Variants in MBNL1 observed in about 807,000 individuals in gnomAD.
MBNL1 encodes muscleblind-like protein 1.
Under a neutral mutation model 42.2 loss-of-function variants are expected in MBNL1, and 8 were observed. The ratio of observed to expected loss-of-function variants is 0.19; its 90% CI spans 0.11 to 0.34. The LOEUF is 0.34. Among genes scored for constraint, MBNL1 ranks in the 10% least tolerant of loss-of-function variants. The pLI is 1.00. For missense variants in MBNL1, 309 were observed against 495.3 expected, an observed-to-expected ratio of 0.62 and a Z score of 3.57; for synonymous variants, 169 against 173.9, an observed-to-expected ratio of 0.97 and a Z score of 0.22.
intron 4 of MBNL1, among the ~76,000 whole-genome samples, chr3:152,443,508 A>ACACACACACAC (rs61600245): frequency 6.6e-6 from 1 of 151,022 alleles, no homozygotes; most frequent in Non-Finnish European, 1.5e-5. Flanking sequence ...ACACACACAC[A>ACACACACACAC]ACTTTTTATC....
chr3:152,428,297 A>G (rs1410480762), intron 3 of MBNL1, among the ~76,000 whole-genome samples: 3 of 152,366 alleles, frequency 2.0e-5, no homozygotes, highest in East Asian at 3.9e-4. Flanking sequence ...TATACATAAC[A>G]TGAACAAGAC....
intron 2 of MBNL1, among the ~76,000 whole-genome samples, chr3:152,408,762 C>T (rs2098497599): frequency 6.6e-6 from 1 of 151,904 alleles, no homozygotes; most frequent in Non-Finnish European, 1.5e-5. Flanking sequence ...TGCTGTCCTC[C>T]CTCCTCCCCG....
Position 152,299,856 on chromosome 3 carries a change from G to T in MBNL1, c.-338G>T. On this transcript the variant is annotated 5_prime_UTR_variant, in exon 2 of 10. Coordinates refer to ENST00000324210, the MANE Select transcript of MBNL1 (RefSeq NM_021038.5). ...TGCCACGTTTTCATGCTTGCATTTTGGGCTCCAAATTGGCACTGGGAAGGG... is the reference window on the plus strand; with the variant it reads ...TGCCACGTTTTCATGCTTGCATTTTTGGCTCCAAATTGGCACTGGGAAGGG... 1 of 403,304 alleles carries T rather than the reference G, an allele frequency of 2.5e-6. No individual in the cohort carries two copies. The highest frequency in any genetic ancestry group is 1.2e-4 in the South Asian group (1 of 8,482). 25.0% of individuals were successfully genotyped at this position (403,304 alleles called of 1,614,324 possible).
chr3:152,457,458 A>G (rs1445128074), intron 8 of MBNL1, among the ~76,000 whole-genome samples: 3 of 152,258 alleles, frequency 2.0e-5, no homozygotes, highest in Non-Finnish European at 4.4e-5. Context: ...CCCTTGTTCT[A>G]TAATACATCA....
chr3:152,268,876 G>C, upstream of MBNL1: 3 of 453,900 alleles, frequency 6.6e-6, no homozygotes, highest in Non-Finnish European at 1.3e-5. Context: ...GGGCCGCGCA[G>C]CAGCAGCGGA....
At chr3:152,269,535 C>T (rs1044302189) in intron 1 of MBNL1, 3 of 455,278 alleles carry the variant, frequency 6.6e-6, no homozygotes, top group African/African-American at 4.0e-5. Context: ...CCATCCCGCC[C>T]GGTTTTCATC....
At chr3:152,365,982 A>G (rs187320529) in intron 2 of MBNL1, among the ~76,000 whole-genome samples, 4 of 152,286 alleles carry the variant, frequency 2.6e-5, no homozygotes, top group Admixed American at 2.0e-4. Flanking sequence ...AAAAGGTGCT[A>G]TATTTGCTAC....
At chr3:152,354,224 G>T (rs1457163461) in intron 2 of MBNL1, among the ~76,000 whole-genome samples, 1 of 152,174 alleles carries the variant, frequency 6.6e-6, no homozygotes, top group Non-Finnish European at 1.5e-5. Flanking sequence ...GGAGACTGAG[G>T]TGGAAGGATT....
chr3:152,264,215 T>C (rs1260394691), upstream of MBNL1: 3 of 152,260 alleles, frequency 2.0e-5, no homozygotes, highest in Non-Finnish European at 4.4e-5. Context: ...AAGTGATTTA[T>C]CTGTGCTGTT....
intron 1 of MBNL1, among the ~76,000 whole-genome samples, chr3:152,271,463 A>C (rs1347051377): frequency 6.6e-6 from 1 of 152,226 alleles, no homozygotes; most frequent in East Asian, 1.9e-4. Context: ...GCCATACATT[A>C]GGCCTGTATT....
At chr3:152,413,724 ATCTT>A (rs2098641627) in intron 2 of MBNL1, among the ~76,000 whole-genome samples, 1 of 152,162 alleles carries the variant, frequency 6.6e-6, no homozygotes, top group Admixed American at 6.6e-5. Flanking sequence ...GCTTCAATTA[ATCTT>A]TCTTTTATTC....
chr3:152,250,957 T>G (rs1012512489), intron 2 of MBNL1, among the ~76,000 whole-genome samples: 4 of 152,046 alleles, frequency 2.6e-5, no homozygotes, highest in Admixed American at 2.6e-4. Flanking sequence ...ACTCGCAAAC[T>G]GAATCCAGCA....
chr3:152,354,183 G>A (rs940830765), intron 2 of MBNL1, among the ~76,000 whole-genome samples: 1 of 152,184 alleles, frequency 6.6e-6, no homozygotes, highest in South Asian at 2.1e-4. Context: ...TTGCAGAAAA[G>A]TGGTTTGCTA....
chr3:152,399,380 G>C (rs80065196), intron 2 of MBNL1, among the ~76,000 whole-genome samples: 3 of 151,818 alleles, frequency 2.0e-5, no homozygotes, highest in East Asian at 3.9e-4. Flanking sequence ...TAATTGTTCT[G>C]CTTTCTCTTT....
chr3:152,400,039 C>G (rs987324922), intron 2 of MBNL1, among the ~76,000 whole-genome samples: 5 of 152,114 alleles, frequency 3.3e-5, no homozygotes, highest in Non-Finnish European at 5.9e-5. Flanking sequence ...TTGTCGGGAC[C>G]TTACATGAGA....
rs570218355 is a variant in MBNL1, at chr3:152,317,660, A to G, written c.174+17293A>G. 6.6e-5 allele frequency among the ~76,000 whole-genome samples: 10 copies of G among 150,836 alleles called. No homozygotes were observed. The East Asian group carries it at 1.9e-3, about 29-fold the overall frequency. ...TTTTTTAATCTTGAAATAACTCCAC[A>G]GTTATCTCCAAGTAAGTCTAATATC... On this transcript the variant is annotated intron_variant, in intron 2 of 9. Coordinates refer to ENST00000324210, the MANE Select transcript of MBNL1 (RefSeq NM_021038.5).
rs118107971 is a variant in MBNL1, at chr3:152,327,100, C to T, written c.174+26733C>T. ...CTGGGATTACAGGCGTGAGCCACTG[C>T]GCTCGGCTGATAAATTATTTGAATT... On this transcript the variant is annotated intron_variant, in intron 2 of 9. Transcript: ENST00000324210. Among the ~76,000 whole-genome samples the T allele has an allele frequency of 4.6e-4, 70 of 151,630 alleles. 1 individual carries two copies. The East Asian group carries it at 0.01, about 22-fold the overall frequency.
rs1273634543 is a variant in MBNL1, at chr3:152,444,347, A to G, written c.550-935A>G. Among the ~76,000 whole-genome samples the G allele has an allele frequency of 3.9e-5, 6 of 152,132 alleles. No homozygotes were observed. The East Asian group carries it at 1.2e-3, about 29-fold the overall frequency. On this transcript the variant is annotated intron_variant, in intron 4 of 9. Transcript: ENST00000324210. ...CTTTTCCCTAAGATCTCCGTGGCAA[A>G]ATTAACAGAATTAGCAAATATAAAA... is the stretch of plus-strand genomic sequence containing the variant.
At chr3:152,316,034 T>C (rs1170590988) in intron 2 of MBNL1, among the ~76,000 whole-genome samples, 1 of 152,200 alleles carries the variant, frequency 6.6e-6, no homozygotes, top group African/African-American at 2.4e-5. Flanking sequence ...TCTCGTCACA[T>C]TGTGGCCCCA....
Sources: allele counts gnomAD v4.1 joint callset (sites outside exome capture counted in the v4.1 genomes callset), GRCh38; gene constraint gnomAD v4.1.1; transcripts MANE v1.5; gene names NCBI Gene and HGNC (gene_info 2026-07-23, HGNC 2026-07-21).